SLC25A13: variants seen among roughly 807,000 people sequenced by gnomAD.
SLC25A13 encodes the protein electrogenic aspartate/glutamate antiporter SLC25A13, mitochondrial.
SLC25A13 carries 70 observed loss-of-function variants against 85.5 expected under a neutral mutation model. The ratio of observed to expected loss-of-function variants is 0.82; its 90% CI spans 0.68 to 1.00. The LOEUF (loss-of-function observed/expected upper bound fraction) is 1.00. Ranked by LOEUF, SLC25A13 falls within the 50% of genes least tolerant of loss-of-function variation. The pLI is 0.00. For missense variants in SLC25A13, 765 were observed against 819.8 expected (o/e 0.93, Z 0.82); for synonymous variants, 259 against 288.7 (o/e 0.90, Z 1.04).
intron 6 of SLC25A13, among the ~76,000 whole-genome samples, chr7:96,192,613 G>C (rs957757258): frequency 6.6e-6 from 1 of 151,850 alleles, no homozygotes; most frequent in Non-Finnish European, 1.5e-5. Context: ...ACACATACAC[G>C]GTGAAAGGGA....
chr7:96,207,344 CA>C (rs1795500031), intron 5 of SLC25A13, among the ~76,000 whole-genome samples: 1 of 152,048 alleles, frequency 6.6e-6, no homozygotes, highest in Non-Finnish European at 1.5e-5. Flanking sequence ...GAATGGACAC[CA>C]CAAAATCTTT....
chr7:96,178,575 T>C (rs1462189134), intron 11 of SLC25A13, among the ~76,000 whole-genome samples: 1 of 152,186 alleles, frequency 6.6e-6, no homozygotes, highest in Non-Finnish European at 1.5e-5. Context: ...ACCCCTCCGA[T>C]GTCAAATTCT....
intron 3 of SLC25A13, among the ~76,000 whole-genome samples, chr7:96,237,281 C>G (rs1379170394): frequency 6.6e-6 from 1 of 152,126 alleles, no homozygotes; most frequent in African/African-American, 2.4e-5. Context: ...AATGGACCGA[C>G]TTTGGTTTGG....
intron 4 of SLC25A13, among the ~76,000 whole-genome samples, chr7:96,222,164 A>G (rs1299739454): frequency 6.6e-6 from 1 of 152,216 alleles, no homozygotes; most frequent in African/African-American, 2.4e-5. Context: ...ATTAACATAA[A>G]CAAGAAACGC....
At chr7:96,209,353 T>TACATACAC (rs1554354163) in intron 4 of SLC25A13, among the ~76,000 whole-genome samples, 1 of 145,444 alleles carries the variant, frequency 6.9e-6, no homozygotes, top group Admixed American at 6.9e-5. Flanking sequence ...GGAAAACACA[T>TACATACAC]ACACACACAC....
In SLC25A13 at chr7:96,322,036, T is replaced by G; in HGVS notation, c.-80A>C. On this transcript the variant is annotated 5_prime_UTR_variant, in exon 1 of 18. Coordinates refer to ENST00000265631, the MANE Select transcript of SLC25A13 (RefSeq NM_014251.3). Reference sequence around the variant, plus strand: ...TGGGACCCGGGCGGCTCACTTCTAGTCCCGGCGGCGGCGGCGGTGGGGGCG... The same window carrying G: ...TGGGACCCGGGCGGCTCACTTCTAGGCCCGGCGGCGGCGGCGGTGGGGGCG... The G allele has an allele frequency of 6.6e-7, 1 of 1,514,948 alleles. No homozygotes were observed. The highest frequency in any genetic ancestry group is 8.9e-7 in the Non-Finnish European group (1 of 1,129,224). The allele number at this position is 1,514,948 out of a possible 1,614,324, so 93.8% of individuals were successfully genotyped here.
At chr7:96,274,478 A>T (rs573113113) in intron 3 of SLC25A13, among the ~76,000 whole-genome samples, 5 of 152,148 alleles carry the variant, frequency 3.3e-5, no homozygotes, top group South Asian at 4.1e-4. Context: ...CTCTGATGGT[A>T]GTTTCTTTTG....
intron 9 of SLC25A13, among the ~76,000 whole-genome samples, chr7:96,189,064 A>C (rs1454737299): frequency 6.6e-6 from 1 of 152,248 alleles, no homozygotes; most frequent in East Asian, 1.9e-4. Context: ...TGGTGCAGTT[A>C]GGAAATCACT....
intron 15 of SLC25A13, 151 bp from the exon 16 acceptor site, chr7:96,122,148 G>GC (rs1283806774): frequency 1.3e-5 from 13 of 982,654 alleles, no homozygotes; most frequent in African/African-American, 9.6e-5. Context: ...ATGCAACCAT[G>GC]CCTCTCCTGT....
chr7:96,280,979 C>T (rs940933327), intron 2 of SLC25A13, among the ~76,000 whole-genome samples: 1 of 152,160 alleles, frequency 6.6e-6, no homozygotes, highest in Non-Finnish European at 1.5e-5. Flanking sequence ...AAAATGCCCA[C>T]AGCGGCATTA....
chr7:96,185,325 C>T (rs774167190), intron 9 of SLC25A13, among the ~76,000 whole-genome samples: 4 of 152,238 alleles, frequency 2.6e-5, no homozygotes, highest in African/African-American at 9.6e-5. Flanking sequence ...AGGCCAGGCA[C>T]GGTGGCTCAC....
chr7:96,194,141 A>C (rs1003875854), intron 5 of SLC25A13, among the ~76,000 whole-genome samples: 2 of 152,108 alleles, frequency 1.3e-5, no homozygotes, highest in African/African-American at 4.8e-5. Context: ...TATGCAATTA[A>C]AAAGTAACAC....
intron 3 of SLC25A13, among the ~76,000 whole-genome samples, chr7:96,241,034 AAAG>A (rs1796962002): frequency 1.2e-5 from 1 of 81,798 alleles, no homozygotes; most frequent in South Asian, 4.3e-4. Flanking sequence ...GAAAAGAAAG[AAAG>A]GAAAGAAAGA....
chr7:96,184,379 G>A lies in SLC25A13; in HGVS notation c.1075C>T (p.Gln359Ter), dbSNP rs1794541339. ...CCCACAAAAGAGCCAGTTGATCGTT[G>A]GTTCTGCATTCGAGTTTTTACAAGA... ...IDLVKTRMQN[Q>*]RSTGSFVGEL... The change falls in exon 11 of 18, where the codon CAA becomes TAA. Residue 359 changes from glutamine to a stop codon, truncating the protein, a stop_gained. Coordinates refer to ENST00000265631, the MANE Select transcript of SLC25A13 (RefSeq NM_014251.3). LOFTEE classifies it high-confidence loss of function. 1 of 1,613,984 alleles carries A rather than the reference G, an allele frequency of 6.2e-7. No individual in the cohort carries two copies. Among genetic ancestry groups the A allele is most frequent in the South Asian group, 1.1e-5 (1 of 91,086 alleles).
chr7:96,274,259 T>C (rs991695039), intron 3 of SLC25A13, among the ~76,000 whole-genome samples: 1 of 152,160 alleles, frequency 6.6e-6, no homozygotes, highest in Non-Finnish European at 1.5e-5. Flanking sequence ...TGATGGCCAG[T>C]GATGATGAGT....
chr7:96,260,559 A>G (rs1797816692), intron 3 of SLC25A13, among the ~76,000 whole-genome samples: 1 of 152,144 alleles, frequency 6.6e-6, no homozygotes, highest in East Asian at 1.9e-4. Context: ...ATCTCTAAGC[A>G]TACATCTCAC....
chr7:96,148,604 T>A (rs1288507167), intron 13 of SLC25A13, among the ~76,000 whole-genome samples: 4 of 152,192 alleles, frequency 2.6e-5, no homozygotes, highest in African/African-American at 9.6e-5. Context: ...AAATTTAAAA[T>A]GTAAAGATTG....
At chr7:96,260,326 T>C (rs1360301356) in intron 3 of SLC25A13, among the ~76,000 whole-genome samples, 3 of 151,840 alleles carry the variant, frequency 2.0e-5, no homozygotes, top group Non-Finnish European at 2.9e-5. Flanking sequence ...ATGGATCATA[T>C]CAAAAAGGAC....
intron 3 of SLC25A13, among the ~76,000 whole-genome samples, chr7:96,247,404 A>G (rs1234648458): frequency 6.6e-6 from 1 of 152,186 alleles, no homozygotes; most frequent in African/African-American, 2.4e-5. Context: ...ATTTGCAGAA[A>G]TTTCTGATGA....
Sources: allele counts gnomAD v4.1 joint callset (sites outside exome capture counted in the v4.1 genomes callset), GRCh38; gene constraint gnomAD v4.1.1; transcripts MANE v1.5; gene names NCBI Gene and HGNC (gene_info 2026-07-23, HGNC 2026-07-21).